ATP9A: variants seen among roughly 807,000 people sequenced by gnomAD.
ATP9A encodes ATPase phospholipid transporting 9A.
ATP9A carries 52 observed loss-of-function variants against 144.1 expected under a neutral mutation model. That is an observed-to-expected ratio of 0.36 (90% CI 0.29 to 0.45). ATP9A has a LOEUF of 0.45. Ranked by LOEUF, ATP9A falls within the 20% of genes least tolerant of loss-of-function variation. The probability of loss-of-function intolerance (pLI) is 1.00; values close to 1 mark genes in which losing one functional copy is unlikely to be tolerated. For synonymous variants in ATP9A, 582 were observed against 557.4 expected (o/e 1.04, Z -0.62); for missense variants, 947 against 1,392.7 (o/e 0.68, Z 5.09).
At chr20:51,656,146 T>C (rs1200684392) in intron 14 of ATP9A, among the ~76,000 whole-genome samples, 8 of 150,358 alleles carry the variant, frequency 5.3e-5, no homozygotes, top group African/African-American at 2.0e-4. Flanking sequence ...GACAAGGGAG[T>C]ACAGCAGGAA....
intron 11 of ATP9A, among the ~76,000 whole-genome samples, chr20:51,673,193 G>A (rs1342309786): frequency 6.6e-6 from 1 of 152,046 alleles, no homozygotes; most frequent in East Asian, 1.9e-4. Context: ...GGCCAACATG[G>A]TGAAACCCCA....
chr20:51,737,916 A>G (rs1312677336), intron 1 of ATP9A, among the ~76,000 whole-genome samples: 1 of 152,052 alleles, frequency 6.6e-6, no homozygotes, highest in Non-Finnish European at 1.5e-5. Flanking sequence ...GCTATACTCT[A>G]TATCCTAAGT....
rs534333496 is a variant in ATP9A, at chr20:51,729,698, T to C, written c.213+136A>G. On this transcript the variant is annotated intron_variant, in intron 2 of 27. Transcript: ENST00000338821. ...AGGCGGAGGTTGCAGTGAGCCAAGA[T>C]TGCGCCACTGCACTCCAGCCTGGGC... 63 of 995,136 alleles carry C rather than the reference T, an allele frequency of 6.3e-5. No homozygotes were observed. The African/African-American group carries it at 9.8e-4, about 15-fold the overall frequency. 61.6% of individuals were successfully genotyped at this position (995,136 alleles called of 1,614,324 possible). A position where few individuals can be genotyped will look rare whatever the true frequency, so the allele number is the denominator to read the frequency against.
chr20:51,685,056 A>G (rs1195749417), intron 9 of ATP9A, among the ~76,000 whole-genome samples: 1 of 152,066 alleles, frequency 6.6e-6, no homozygotes, highest in Admixed American at 6.6e-5. Flanking sequence ...ATAAATAGTA[A>G]ACATAAAGGA....
intron 14 of ATP9A, among the ~76,000 whole-genome samples, chr20:51,649,160 T>C (rs1318256327): frequency 5.9e-5 from 9 of 152,128 alleles, no homozygotes; most frequent in Admixed American, 5.2e-4. Flanking sequence ...GCACCCTGTT[T>C]GGCTAAAAAT....
chr20:51,726,577 G>A (rs964157695), intron 2 of ATP9A, among the ~76,000 whole-genome samples: 1 of 152,022 alleles, frequency 6.6e-6, no homozygotes, highest in African/African-American at 2.4e-5. Context: ...TGTGTGTTTT[G>A]GGGTTTGGTT....
intron 1 of ATP9A, among the ~76,000 whole-genome samples, chr20:51,740,870 C>T (rs2077781989): frequency 6.6e-6 from 1 of 151,886 alleles, no homozygotes; most frequent in Non-Finnish European, 1.5e-5. Context: ...CCACAATACC[C>T]GGCCCCAATT....
intron 1 of ATP9A, among the ~76,000 whole-genome samples, chr20:51,763,564 T>C (rs530709597): frequency 1.8e-4 from 28 of 151,890 alleles, no homozygotes; most frequent in South Asian, 8.3e-4. Context: ...CCGCCCACCT[T>C]GGCCTCCCAA....
intron 10 of ATP9A, 113 bp from the exon 11 acceptor site, chr20:51,674,426 TGCCGGAGAGCTGG>T: frequency 1.8e-6 from 2 of 1,090,018 alleles, no homozygotes; most frequent in South Asian, 3.0e-5. Flanking sequence ...TAACTCAGCC[TGCCGGAGAGCTGG>T]TCCTTCCCCT....
intron 3 of ATP9A, among the ~76,000 whole-genome samples, chr20:51,716,932 G>A (rs974575228): frequency 1.3e-5 from 2 of 152,106 alleles, no homozygotes; most frequent in South Asian, 2.1e-4. Context: ...CCAGTACTTC[G>A]GGAGGCCGAG....
chr20:51,738,374 T>C (rs1213490084), intron 1 of ATP9A, among the ~76,000 whole-genome samples: 1 of 152,072 alleles, frequency 6.6e-6, no homozygotes, highest in Non-Finnish European at 1.5e-5. Flanking sequence ...TGCATATAGA[T>C]TGGGGCAAGT....
chr20:51,675,326 CAA>C (rs1418442669), intron 10 of ATP9A, among the ~76,000 whole-genome samples: 1 of 152,116 alleles, frequency 6.6e-6, no homozygotes, highest in Admixed American at 6.5e-5. Context: ...CTGCTACTGA[CAA>C]AAGACAATTA....
chr20:51,768,251 C>T, intron 1 of ATP9A, 51 bp downstream of exon 1: 2 of 1,180,240 alleles, frequency 1.7e-6, no homozygotes, highest in Non-Finnish European at 2.1e-6. Context: ...GCCCGAGCGC[C>T]GGGCTCCGGG....
intron 14 of ATP9A, among the ~76,000 whole-genome samples, chr20:51,648,450 G>A (rs2077350918): frequency 6.6e-6 from 1 of 152,208 alleles, no homozygotes; most frequent in South Asian, 2.1e-4. Context: ...ATAGCCAAAA[G>A]GGGGAAACCT....
rs1181924908 is a variant in ATP9A at position 51,598,757 on chromosome 20, A to C, written c.*2454T>G. The stretch of plus-strand genomic sequence containing the variant: ...GCCTTTGCGTCTCCAGTGTCTGAGA[A>C]GCACGGTGTGTGCATTCCTAGGTGT... On this transcript the variant is annotated 3_prime_UTR_variant, in exon 28 of 28. Transcript: ENST00000338821. 1 of 152,264 alleles carries C rather than the reference A, an allele frequency of 6.6e-6. No homozygotes were observed. The highest frequency in any genetic ancestry group is 1.5e-5 in the Non-Finnish European group (1 of 68,078). 9.4% of individuals were successfully genotyped at this position (152,264 alleles called of 1,614,324 possible). A position where few individuals can be genotyped will look rare whatever the true frequency, so the allele number is the denominator to read the frequency against.
intron 10 of ATP9A, 144 bp downstream of exon 10, chr20:51,675,988 A>G: frequency 1.7e-6 from 1 of 584,430 alleles, no homozygotes; most frequent in Non-Finnish European, 3.1e-6. Flanking sequence ...TATTTATTGC[A>G]TACACACACA....
chr20:51,646,748 AT>A (rs11475833), intron 14 of ATP9A, among the ~76,000 whole-genome samples: 69,930 of 151,206 alleles, frequency 0.46, 17,647 homozygotes, highest in East Asian at 0.8. Context: ...TACTGCTTCA[AT>A]TTTTTTTTTT....
chr20:51,713,268 C>T (rs1601121392), intron 3 of ATP9A, among the ~76,000 whole-genome samples, 194 bp from the exon 4 acceptor site: 1 of 152,154 alleles, frequency 6.6e-6, no homozygotes, highest in African/African-American at 2.4e-5. Context: ...AACATGCACT[C>T]CCAAACACAA....
At chr20:51,671,058 G>A in intron 12 of ATP9A, 57 bp downstream of exon 12, 2 of 1,586,816 alleles carry the variant, frequency 1.3e-6, no homozygotes, top group Middle Eastern at 1.7e-4. Context: ...TTCAGCCAAA[G>A]CCCTCAGGCA....
Sources: allele counts gnomAD v4.1 joint callset (sites outside exome capture counted in the v4.1 genomes callset), GRCh38; gene constraint gnomAD v4.1.1; transcripts MANE v1.5; gene names NCBI Gene and HGNC (gene_info 2026-07-23, HGNC 2026-07-21).